The following DOCK8 variants were observed in gnomAD, a reference collection of about 807,000 sequenced individuals.
DOCK8 encodes dedicator of cytokinesis 8, also known as dedicator of cytokinesis protein 8.
In DOCK8, 141 loss-of-function variants were observed where a neutral mutation model predicts 245.6. That is an observed-to-expected ratio of 0.57 (90% CI 0.50 to 0.66). The LOEUF (loss-of-function observed/expected upper bound fraction) is 0.66, where lower values mean the gene tolerates loss of function less well. Ranked by LOEUF, DOCK8 falls within the 30% of genes least tolerant of loss-of-function variation. DOCK8 has a pLI of 0.00. For missense variants in DOCK8, 2,965 were observed against 2,603.4 expected, an observed-to-expected ratio of 1.14 and a Z score of -3.02; for synonymous variants, 1,168 against 970.2, an observed-to-expected ratio of 1.20 and a Z score of -3.79.
At chr9:253,849 C>A (rs754953475) in intron 1 of DOCK8, among the ~76,000 whole-genome samples, 23 of 152,120 alleles carry the variant, frequency 1.5e-4, no homozygotes, top group Non-Finnish European at 3.1e-4. Flanking sequence ...TACACAGTCA[C>A]CTGGTATAAA....
At chr9:354,463 A>G (rs1347823114) in intron 14 of DOCK8, among the ~76,000 whole-genome samples, 1 of 152,140 alleles carries the variant, frequency 6.6e-6, no homozygotes, top group African/African-American at 2.4e-5. Flanking sequence ...AAATTTACAT[A>G]CTTGTGTTAG....
Position 312,075 on chromosome 9 carries a change from T to A in DOCK8, c.650T>A (p.Val217Glu). 3 of 1,614,190 alleles carry A rather than the reference T, an allele frequency of 1.9e-6. No individual in the cohort carries two copies. Among genetic ancestry groups the A allele is most frequent in the Non-Finnish European group, 2.5e-6 (3 of 1,180,030 alleles). ...DKRLENLLQQ[V>E]SAEDFEKQNE... ...CGGCTAGAAAACCTCCTGCAGCAAG[T>A]GAGTGCCGAGGACTTTGAGAAGCAG... The change falls in exon 6 of 48, where the codon GTG becomes GAG. Residue 217 changes from valine to glutamate, a missense_variant. Val to Glu is a moderately radical substitution (Grantham distance 121). Transcript: ENST00000432829.
chr9:305,418 G>A (rs1202082126), intron 5 of DOCK8, among the ~76,000 whole-genome samples: 2 of 150,872 alleles, frequency 1.3e-5, no homozygotes, highest in East Asian at 1.9e-4. Flanking sequence ...AGGTAGCTGG[G>A]ACTACAGGCT....
chr9:450,280 G>A (rs146371473), intron 45 of DOCK8, among the ~76,000 whole-genome samples: 1 of 152,302 alleles, frequency 6.6e-6, no homozygotes, highest in African/African-American at 2.4e-5. Flanking sequence ...CAGAGTAATT[G>A]CAGGGCTTGA....
intron 1 of DOCK8, among the ~76,000 whole-genome samples, chr9:233,951 G>A (rs1180263310): frequency 4.6e-5 from 7 of 152,132 alleles, no homozygotes; most frequent in Non-Finnish European, 1.0e-4. Flanking sequence ...GATGTTAGCT[G>A]GTTATTTTGC....
At chr9:389,084 A>G (rs896735207) in intron 23 of DOCK8, among the ~76,000 whole-genome samples, 31 of 152,178 alleles carry the variant, frequency 2.0e-4, no homozygotes, top group African/African-American at 7.0e-4. Context: ...ATTCCCAGAC[A>G]TCATTTTTGG....
chr9:420,039 C>A (rs2056209826), intron 30 of DOCK8: 1 of 342,752 alleles, frequency 2.9e-6, no homozygotes, highest in South Asian at 2.8e-5. Flanking sequence ...ACTTGGAGAT[C>A]TTAGCAGCAT....
At chr9:309,490 C>T (rs538668635) in intron 5 of DOCK8, among the ~76,000 whole-genome samples, 1 of 152,196 alleles carries the variant, frequency 6.6e-6, no homozygotes, top group Non-Finnish European at 1.5e-5. Flanking sequence ...CATTTGTAGT[C>T]CTACAACATA....
At chr9:399,493 A>T (rs370668076) in intron 26 of DOCK8, among the ~76,000 whole-genome samples, 23 of 149,468 alleles carry the variant, frequency 1.5e-4, no homozygotes, top group Admixed American at 5.3e-4. Flanking sequence ...CAACAGATTC[A>T]TCTGTGGGAA....
At chr9:386,695 C>A (rs1056278198) in intron 23 of DOCK8, among the ~76,000 whole-genome samples, 1 of 152,224 alleles carries the variant, frequency 6.6e-6, no homozygotes, top group African/African-American at 2.4e-5. Context: ...ACCCTACCTC[C>A]TGAGTTTCTG....
chr9:423,155 A>T (rs2056346420), intron 33 of DOCK8, among the ~76,000 whole-genome samples: 1 of 152,096 alleles, frequency 6.6e-6, no homozygotes, highest in Non-Finnish European at 1.5e-5. Flanking sequence ...CCTACAGTAG[A>T]TGTGTATTAT....
chr9:400,959 C>CCACCATCACCTCCACCAT (rs1554692496), intron 26 of DOCK8, among the ~76,000 whole-genome samples: 1 of 47,912 alleles, frequency 2.1e-5, no homozygotes, highest in African/African-American at 4.9e-4. Flanking sequence ...ACCACCACCA[C>CCACCATCACCTCCACCAT]CACCACCTCC....
At chr9:378,100 A>G (rs1488477038) in intron 20 of DOCK8, among the ~76,000 whole-genome samples, 1 of 152,226 alleles carries the variant, frequency 6.6e-6, no homozygotes, top group Non-Finnish European at 1.5e-5. Flanking sequence ...CAGACCTCAG[A>G]GGACTTATAA....
chr9:405,194 C>A, intron 27 of DOCK8, 121 bp downstream of exon 27: 1 of 1,022,934 alleles, frequency 9.8e-7, no homozygotes, highest in Non-Finnish European at 1.4e-6. Flanking sequence ...TCAAACAATT[C>A]AAACCAGATC....
intron 24 of DOCK8, 68 bp downstream of exon 24, chr9:390,634 A>C: frequency 2.6e-6 from 4 of 1,514,174 alleles, no homozygotes; most frequent in Non-Finnish European, 3.7e-6. Flanking sequence ...AAAGGAATTG[A>C]CATTTTGTTC....
intron 9 of DOCK8, among the ~76,000 whole-genome samples, chr9:330,345 T>G (rs768280604): frequency 6.6e-6 from 1 of 152,198 alleles, no homozygotes; most frequent in Non-Finnish European, 1.5e-5. Flanking sequence ...CCTATCCTTA[T>G]GTAAGGGCCA....
chr9:400,118 C>CCTCCTT (rs2054745416), intron 26 of DOCK8, among the ~76,000 whole-genome samples: 25 of 101,772 alleles, frequency 2.5e-4, no homozygotes, highest in South Asian at 3.1e-4. Context: ...TCCACCACCA[C>CCTCCTT]CAGCATCTTC....
intron 1 of DOCK8, among the ~76,000 whole-genome samples, chr9:216,760 A>G (rs1458155988): frequency 1.3e-5 from 2 of 152,118 alleles, no homozygotes; most frequent in South Asian, 4.1e-4. Flanking sequence ...TGACTGGGGC[A>G]GAAAGATGTT....
At position 336,538 on chromosome 9, in the gene DOCK8, G is replaced by C. The variant is rs780053268; in HGVS notation, c.1286-44G>C. On this transcript the variant is annotated intron_variant, in intron 11 of 47. Transcript: ENST00000432829. ...TGAAGTTAATAACTGCTGTGTGTTT[G>C]AACAGAAAGGCATACTTTGGAGTGA... The C allele has an allele frequency of 8.7e-6, 14 of 1,613,388 alleles. No individual in the cohort carries two copies. The Admixed American group carries it at 1.0e-4, about 12-fold the overall frequency.
Sources: gnomAD v4.1 joint callset for allele counts (sites outside exome capture counted in the v4.1 genomes callset) on GRCh38, gnomAD v4.1.1 for gene constraint, MANE v1.5 for transcripts, NCBI Gene and HGNC (gene_info 2026-07-23, HGNC 2026-07-21) for gene names.